Variants in MYLK observed in about 807,000 individuals in gnomAD.
MYLK encodes the protein myosin light chain kinase.
A neutral mutation model predicts 203.4 loss-of-function variants in MYLK; 106 were observed. That is an observed-to-expected ratio of 0.52 (90% CI 0.45 to 0.61). The LOEUF (loss-of-function observed/expected upper bound fraction) is 0.61, where lower values mean the gene tolerates loss of function less well. MYLK is among the 20% of genes least tolerant of loss of function. MYLK has a pLI of 0.00. For synonymous variants in MYLK, 867 were observed against 959.5 expected, an observed-to-expected ratio of 0.90 and a Z score of 1.78; for missense variants, 2,072 against 2,442.3, an observed-to-expected ratio of 0.85 and a Z score of 3.20.
At chr3:123,822,964 T>C (rs150335664) in intron 3 of MYLK, among the ~76,000 whole-genome samples, 281 of 152,264 alleles carry the variant, frequency 1.8e-3, no homozygotes, top group Non-Finnish European at 2.9e-3. Flanking sequence ...ATCCCTGGCT[T>C]CAATGAGGTT....
intron 4 of MYLK, among the ~76,000 whole-genome samples, chr3:123,754,697 T>C (rs747039386): frequency 6.6e-6 from 1 of 152,250 alleles, no homozygotes; most frequent in Non-Finnish European, 1.5e-5. Context: ...TCTCCTCCTT[T>C]CTTTTTAGTT....
chr3:123,642,195 T>C lies in MYLK; in HGVS notation c.4620-1691A>G, dbSNP rs1252903115. Reference sequence around the variant, plus strand: ...GAGTCCTCACGAAGAGGAAAGGAGCTGAGTTTGAATCCTGCTTCTGCCTTT... The same window carrying C: ...GAGTCCTCACGAAGAGGAAAGGAGCCGAGTTTGAATCCTGCTTCTGCCTTT... On this transcript the variant is annotated intron_variant, in intron 27 of 33. Coordinates refer to ENST00000360304, the MANE Select transcript of MYLK (RefSeq NM_053025.4). This position sits in a 1 kb window ranked among gnomAD's most constrained non-coding sequence, Gnocchi z 4.2. Among the ~76,000 whole-genome samples the C allele has an allele frequency of 6.6e-6, 1 of 152,158 alleles. No individual in the cohort carries two copies. Among genetic ancestry groups the C allele is most frequent in the Non-Finnish European group, 1.5e-5 (1 of 68,022 alleles).
intron 20 of MYLK, among the ~76,000 whole-genome samples, chr3:123,679,956 C>G (rs751171135): frequency 6.6e-6 from 1 of 152,146 alleles, no homozygotes; most frequent in Non-Finnish European, 1.5e-5. Context: ...CTCCCTGGAA[C>G]AGCTGGTTTC....
chr3:123,718,234 C>T (rs114945665), intron 13 of MYLK, among the ~76,000 whole-genome samples: 3,458 of 152,180 alleles, frequency 0.023, 48 homozygotes, highest in Middle Eastern at 0.041. Context: ...CCCAGAAAAG[C>T]GAGGAATTCT....
Position 123,831,589 on chromosome 3 carries a change from G to A in MYLK, c.-45C>T, listed in dbSNP as rs1345284171. 1 of 316,944 alleles carries A rather than the reference G, an allele frequency of 3.2e-6. No homozygotes were observed. The highest frequency in any genetic ancestry group is 5.4e-6 in the Non-Finnish European group (1 of 184,180). 19.6% of individuals were successfully genotyped at this position (316,944 alleles called of 1,614,324 possible). A position where few individuals can be genotyped will look rare whatever the true frequency, so the allele number is the denominator to read the frequency against. On this transcript the variant is annotated 5_prime_UTR_variant, in exon 3 of 34. Transcript: ENST00000360304. ...GTTTGTTGTGGCAACTGGGCCAGTG[G>A]GACAGGAAAGGCGTCCTGAAGCTCT...
At position 123,733,080 on chromosome 3, in the gene MYLK, T is replaced by C; in HGVS notation, c.1332A>G (p.Glu444=). 6.2e-7 allele frequency: 1 copy of C among 1,613,962 alleles called. No individual in the cohort carries two copies. Among genetic ancestry groups the C allele is most frequent in the South Asian group, 1.1e-5 (1 of 91,016 alleles). ...GGGTGCCTTCCAGGAACCAGGCCAC[T>C]TCAGGCTTTGGAATCCCGGAAACTA... ...RCEVSGIPKP[E]VAWFLEGTPV... Residue 444 remains glutamate (E), a synonymous_variant, in exon 11 of 34, where the codon GAA becomes GAG. Coordinates refer to ENST00000360304, the MANE Select transcript of MYLK (RefSeq NM_053025.4).
chr3:123,662,985 G>A (rs2059613817), intron 23 of MYLK, among the ~76,000 whole-genome samples: 1 of 152,110 alleles, frequency 6.6e-6, no homozygotes, highest in Non-Finnish European at 1.5e-5. Context: ...AAACCCGCTC[G>A]GGTCTCGTGC....
intron 16 of MYLK, among the ~76,000 whole-genome samples, chr3:123,707,278 G>C (rs2061497455): frequency 6.6e-6 from 1 of 152,226 alleles, no homozygotes; most frequent in South Asian, 2.1e-4. Context: ...TGTCCGTCAG[G>C]CCTTCAGAAA....
At chr3:123,625,843 G>A (rs75283798) in intron 31 of MYLK, among the ~76,000 whole-genome samples, 1,550 of 152,016 alleles carry the variant, frequency 0.01, 19 homozygotes, top group Non-Finnish European at 0.014. Flanking sequence ...TCTAATTGTG[G>A]TAATAAAAAT....
intron 2 of MYLK, among the ~76,000 whole-genome samples, chr3:123,866,396 A>G (rs1007223167): frequency 1.3e-5 from 2 of 152,212 alleles, no homozygotes; most frequent in East Asian, 1.9e-4. Flanking sequence ...CATTTATTCA[A>G]CAAATACGTA....
rs187852535 is a variant in MYLK at position 123,692,896 on chromosome 3, C to T, written c.3449-45G>A. 3.3e-6 allele frequency: 5 copies of T among 1,531,722 alleles called. No individual in the cohort carries two copies. In the African/African-American group the frequency reaches 6.8e-5, roughly 21 times the overall value. 94.9% of individuals were successfully genotyped at this position (1,531,722 alleles called of 1,614,324 possible). On this transcript the variant is annotated intron_variant, in intron 18 of 33. Coordinates refer to ENST00000360304, the MANE Select transcript of MYLK (RefSeq NM_053025.4). ...GAGTGAACCAGGTGTGGTCGTAGTA[C>T]CTGCCCTGGCATCTGGAGCGCAGCA...
chr3:123,700,171 G>T lies in MYLK; in HGVS notation c.3297C>A (p.Ala1099=). The T allele has an allele frequency of 6.2e-7, 1 of 1,613,930 alleles. No individual in the cohort carries two copies. The highest frequency in any genetic ancestry group is 1.1e-5 in the South Asian group (1 of 91,054). Reference sequence around the variant, plus strand: ...GAACATCTTGCAGCTTCTGCTTGAAGGCTGGGGCTGTCCCCTGGCTCTCTG... The same window carrying T: ...GAACATCTTGCAGCTTCTGCTTGAATGCTGGGGCTGTCCCCTGGCTCTCTG... The part of the protein sequence containing the change: ...KRSESQGTAP[A]FKQKLQDVHV... Residue 1099 remains alanine, a synonymous_variant, in exon 18 of 34, where the codon GCC becomes GCA. Coordinates refer to ENST00000360304, the MANE Select transcript of MYLK (RefSeq NM_053025.4).
At position 123,733,142 on chromosome 3, in the gene MYLK, G is replaced by C. The variant is rs2062546594; in HGVS notation, c.1310-40C>G. 3 of 1,593,752 alleles carry C rather than the reference G, an allele frequency of 1.9e-6. No homozygotes were observed. In the East Asian group the frequency reaches 6.8e-5, roughly 36 times the overall value. On this transcript the variant is annotated intron_variant, in intron 10 of 33. Transcript: ENST00000360304. ...AAAGAACGTGAGCTCCCTATGCCCT[G>C]GAGAGCACCCTGTGATTGTGAGGTA... is the stretch of plus-strand genomic sequence containing the variant.
chr3:123,841,559 C>T (rs953114545), intron 2 of MYLK, among the ~76,000 whole-genome samples: 2 of 152,096 alleles, frequency 1.3e-5, no homozygotes, highest in South Asian at 2.1e-4. Flanking sequence ...TCTGTCAGTT[C>T]CTTTTTTTCC....
chr3:123,735,507 C>A, intron 8 of MYLK, 91 bp from the exon 9 acceptor site: 2 of 1,465,442 alleles, frequency 1.4e-6, no homozygotes, highest in South Asian at 2.3e-5. Flanking sequence ...TCACCGTGGT[C>A]CCACCCTGCT....
intron 4 of MYLK, among the ~76,000 whole-genome samples, chr3:123,780,076 G>A (rs558850135): frequency 4.8e-4 from 73 of 152,342 alleles, no homozygotes; most frequent in African/African-American, 1.4e-3. Context: ...TCACGTAGCA[G>A]TGGGGTCAAC....
At position 123,629,893 on chromosome 3, in the gene MYLK, C is replaced by T. The variant is rs1013530125; in HGVS notation, c.4962-267G>A. The T allele has an allele frequency of 1.8e-5, 9 of 501,424 alleles. No homozygotes were observed. The highest frequency in any genetic ancestry group is 3.3e-5 in the Non-Finnish European group (9 of 274,746). The allele number at this position is 501,424 out of a possible 1,614,324, so 31.1% of individuals were successfully genotyped here. On this transcript the variant is annotated intron_variant, in intron 29 of 33. Coordinates refer to ENST00000360304, the MANE Select transcript of MYLK (RefSeq NM_053025.4). The surrounding 1 kb of genome is among the most constrained non-coding windows in gnomAD (Gnocchi z 4.4). Reference sequence around the variant, plus strand: ...GTTGGCTTTAGATTACGGGCTTCTGCAGGGTACGCGGCAGGGCTGATAAGT... The same window carrying T: ...GTTGGCTTTAGATTACGGGCTTCTGTAGGGTACGCGGCAGGGCTGATAAGT...
chr3:123,656,386 C>T (rs1449138932), intron 24 of MYLK, among the ~76,000 whole-genome samples: 2 of 152,186 alleles, frequency 1.3e-5, no homozygotes, highest in Non-Finnish European at 2.9e-5. Flanking sequence ...ACAACTTTAC[C>T]TAAAATGCCC....
At chr3:123,830,430 A>G (rs540717578) in intron 3 of MYLK, among the ~76,000 whole-genome samples, 30 of 152,372 alleles carry the variant, frequency 2.0e-4, no homozygotes, top group African/African-American at 7.0e-4. Flanking sequence ...TTTCCTTAAC[A>G]AAACAGCAGG....
Sources: gnomAD v4.1 joint callset for allele counts (sites outside exome capture counted in the v4.1 genomes callset) on GRCh38, gnomAD v4.1.1 for gene constraint, Gnocchi (gnomAD v3.1) non-coding constraint, MANE v1.5 for transcripts, NCBI Gene and HGNC (gene_info 2026-07-23, HGNC 2026-07-21) for gene names.